Variants in L3MBTL4 observed in about 807,000 individuals in gnomAD.
L3MBTL4 encodes the protein lethal(3)malignant brain tumor-like protein 4.
Under a neutral mutation model 84.5 loss-of-function variants are expected in L3MBTL4, and 70 were observed. The observed-to-expected ratio is 0.83, with a 90% confidence interval of 0.68 to 1.01. The LOEUF is 1.01. Among genes scored for constraint, L3MBTL4 ranks in the 50% least tolerant of loss-of-function variants. The probability of loss-of-function intolerance (pLI) is 0.00; values close to 1 mark genes in which losing one functional copy is unlikely to be tolerated. For synonymous variants in L3MBTL4, 274 were observed against 259.8 expected (o/e 1.05, Z -0.52); for missense variants, 715 against 754.8 (o/e 0.95, Z 0.62).
intron 16 of L3MBTL4, among the ~76,000 whole-genome samples, chr18:6,018,828 G>C (rs150233037): frequency 2.2e-3 from 335 of 152,326 alleles, no homozygotes; most frequent in African/African-American, 7.5e-3. Flanking sequence ...AGCACAGGAA[G>C]AGACAGCAGC....
At chr18:6,281,870 CT>C (rs2049335463) in intron 4 of L3MBTL4, among the ~76,000 whole-genome samples, 1 of 152,142 alleles carries the variant, frequency 6.6e-6, no homozygotes, top group African/African-American at 2.4e-5. Flanking sequence ...GTATCATAAA[CT>C]TTTAAAAACT....
At chr18:6,239,665 C>T (rs999944222) in intron 9 of L3MBTL4, 53 bp downstream of exon 9, 2 of 1,571,580 alleles carry the variant, frequency 1.3e-6, no homozygotes, top group Admixed American at 3.3e-5. Context: ...AAAACAAATT[C>T]TTAACATCAA....
chr18:6,079,266 C>T (rs1370173370), intron 16 of L3MBTL4, among the ~76,000 whole-genome samples: 3 of 152,152 alleles, frequency 2.0e-5, no homozygotes, highest in Non-Finnish European at 4.4e-5. Flanking sequence ...GGAATGAACC[C>T]CACCTGCACT....
intron 1 of L3MBTL4, among the ~76,000 whole-genome samples, chr18:6,365,935 GA>G (rs761335360): frequency 2.0e-5 from 3 of 151,900 alleles, no homozygotes; most frequent in East Asian, 1.9e-4. Context: ...CACAAGCTTT[GA>G]AAAAAAATCA....
At chr18:6,086,203 G>GATGATAA (rs2058253560) in intron 15 of L3MBTL4, among the ~76,000 whole-genome samples, 1 of 152,152 alleles carries the variant, frequency 6.6e-6, no homozygotes, top group East Asian at 1.9e-4. Flanking sequence ...TAAGTATACA[G>GATGATAA]ATGATAAAAT....
chr18:6,187,529 C>T (rs1233874909), intron 12 of L3MBTL4, among the ~76,000 whole-genome samples: 1 of 152,108 alleles, frequency 6.6e-6, no homozygotes. Context: ...TTGCTTAAAA[C>T]TGTGTTGTAA....
intron 16 of L3MBTL4, among the ~76,000 whole-genome samples, chr18:5,990,622 G>A (rs1374944512): frequency 6.6e-6 from 1 of 152,198 alleles, no homozygotes; most frequent in African/African-American, 2.4e-5. Flanking sequence ...TTTTGCTTAT[G>A]TGCGTGGATA....
intron 13 of L3MBTL4, among the ~76,000 whole-genome samples, chr18:6,164,969 C>T (rs28813515): frequency 0.011 from 1,615 of 152,168 alleles, 30 homozygotes; most frequent in African/African-American, 0.036. Flanking sequence ...GAATAATCAA[C>T]GTGGAGAAGT....
chr18:6,252,033 C>T (rs571908740), intron 5 of L3MBTL4, among the ~76,000 whole-genome samples: 11 of 152,290 alleles, frequency 7.2e-5, no homozygotes, highest in South Asian at 4.1e-4. Context: ...CAAGACAGGC[C>T]GGGCACGGTG....
chr18:6,117,829 T>C (rs2059402861), intron 14 of L3MBTL4, among the ~76,000 whole-genome samples: 1 of 152,198 alleles, frequency 6.6e-6, no homozygotes, highest in South Asian at 2.1e-4. Context: ...ATTCTTAATA[T>C]TCACATATTG....
At chr18:6,040,898 A>G (rs1490979862) in intron 16 of L3MBTL4, among the ~76,000 whole-genome samples, 3 of 151,900 alleles carry the variant, frequency 2.0e-5, no homozygotes, top group Non-Finnish European at 4.4e-5. Context: ...TAATATATTT[A>G]CAAATCACAT....
chr18:6,380,706 T>C (rs1323879315), intron 1 of L3MBTL4, among the ~76,000 whole-genome samples: 9 of 152,210 alleles, frequency 5.9e-5, no homozygotes, highest in African/African-American at 2.2e-4. Context: ...TCCCATTCTT[T>C]TGCATTTGCT....
At chr18:6,140,441 A>G (rs1319096936) in intron 13 of L3MBTL4, among the ~76,000 whole-genome samples, 7 of 152,194 alleles carry the variant, frequency 4.6e-5, no homozygotes, top group African/African-American at 1.7e-4. Context: ...CTCCTGGGAA[A>G]AAAATGCACA....
intron 13 of L3MBTL4, among the ~76,000 whole-genome samples, chr18:6,160,847 G>T (rs574454861): frequency 3.4e-4 from 51 of 151,674 alleles, no homozygotes; most frequent in African/African-American, 1.2e-3. Flanking sequence ...AATTTCCCAC[G>T]CAAGAAAAAC....
rs2052555656 is a variant in L3MBTL4, at chr18:5,969,904, A to C, written c.1445-342T>G. Among the ~76,000 whole-genome samples the C allele has an allele frequency of 2.0e-5, 3 of 152,198 alleles. No homozygotes were observed. In the South Asian group the frequency reaches 6.2e-4, roughly 32 times the overall value. ...CTTAAATCAGGAGTCAGAGGAATCA[A>C]GGAACCGTGCAGAATTTGACTAATA... is the stretch of plus-strand genomic sequence containing the variant. On this transcript the variant is annotated intron_variant, in intron 16 of 18. Transcript: ENST00000317931.
intron 1 of L3MBTL4, among the ~76,000 whole-genome samples, chr18:6,368,264 T>C (rs1798289697): frequency 6.6e-6 from 1 of 151,702 alleles, no homozygotes; most frequent in Non-Finnish European, 1.5e-5. Context: ...TTTTAACTGA[T>C]GTCAACAGCA....
chr18:5,976,523 C>T (rs957815974), intron 16 of L3MBTL4, among the ~76,000 whole-genome samples: 8 of 152,118 alleles, frequency 5.3e-5, no homozygotes, highest in Non-Finnish European at 1.0e-4. Context: ...GATAACAGGG[C>T]TTGAGTAGCC....
intron 13 of L3MBTL4, among the ~76,000 whole-genome samples, chr18:6,156,604 G>T (rs773285232): frequency 1.3e-5 from 2 of 152,136 alleles, no homozygotes; most frequent in African/African-American, 4.8e-5. Context: ...AAGTCTCTGC[G>T]TGAACTCAGG....
At chr18:6,109,115 T>A (rs74884478) in intron 14 of L3MBTL4, among the ~76,000 whole-genome samples, 1 of 152,266 alleles carries the variant, frequency 6.6e-6, no homozygotes, top group East Asian at 1.9e-4. Flanking sequence ...GGAAGAAAAC[T>A]AGTGAAGGTA....
Sources: allele counts gnomAD v4.1 joint callset (sites outside exome capture counted in the v4.1 genomes callset), GRCh38; gene constraint gnomAD v4.1.1; transcripts MANE v1.5; gene names NCBI Gene and HGNC (gene_info 2026-07-23, HGNC 2026-07-21).